Variants in PHF24 observed in about 807,000 individuals in gnomAD.
The protein encoded by PHF24 is Galpha inhibitory interacting protein.
A neutral mutation model predicts 42.6 loss-of-function variants in PHF24; 25 were observed. The observed-to-expected ratio is 0.59, with a 90% CI of 0.43 to 0.82. The LOEUF (loss-of-function observed/expected upper bound fraction) is 0.82. PHF24 is among the 40% of genes least tolerant of loss of function. The pLI, the probability that PHF24 is intolerant of heterozygous loss-of-function variation, is 0.00. For synonymous variants in PHF24, 185 were observed against 204.8 expected (o/e 0.90, Z 0.83); for missense variants, 470 against 538.1 (o/e 0.87, Z 1.25).
At chr9:34,848,824 G>T in the PHF24 span, among the ~76,000 whole-genome samples, 204 of 152,240 alleles carry the variant, frequency 1.3e-3, 3 homozygotes, top group Middle Eastern at 0.02. Flanking sequence ...TGGTTTCAAA[G>T]AACATTTTTA....
At chr9:34,834,051 A>C in the PHF24 span, 1 of 1,549,068 alleles carries the variant, frequency 6.5e-7, no homozygotes, top group South Asian at 1.2e-5. Context: ...GTACCTGGTA[A>C]GGCCTGTTGC....
At chr9:34,772,776 T>G in the PHF24 span, among the ~76,000 whole-genome samples, 1 of 152,214 alleles carries the variant, frequency 6.6e-6, no homozygotes, top group Non-Finnish European at 1.5e-5. Context: ...GCATGATCCA[T>G]GTACTAGTGG....
At chr9:34,768,212 T>C in the PHF24 span, among the ~76,000 whole-genome samples, 2 of 152,240 alleles carry the variant, frequency 1.3e-5, no homozygotes, top group South Asian at 4.1e-4. Flanking sequence ...TCAGAGGTTA[T>C]GGGCAATGGG....
the PHF24 span, chr9:34,889,294 G>A: frequency 1.3e-5 from 5 of 398,612 alleles, no homozygotes; most frequent in Middle Eastern, 6.2e-4. Context: ...ACAGAGTTTG[G>A]AGCATTTGTA....
the PHF24 span, chr9:34,709,608 T>A: frequency 6.2e-7 from 1 of 1,614,200 alleles, no homozygotes. Flanking sequence ...GTCCAGATGC[T>A]GCATCAGCTG....
chr9:34,899,126 G>A, the PHF24 span, among the ~76,000 whole-genome samples: 1 of 152,128 alleles, frequency 6.6e-6, no homozygotes, highest in Non-Finnish European at 1.5e-5. Context: ...GCTAAGCCTG[G>A]CATTTCTCAC....
At chr9:34,927,386 G>T in the PHF24 span, among the ~76,000 whole-genome samples, 1 of 152,078 alleles carries the variant, frequency 6.6e-6, no homozygotes. Flanking sequence ...TTCAGAGTTT[G>T]CTCTTTTCTC....
the PHF24 span, among the ~76,000 whole-genome samples, chr9:34,743,431 A>G: frequency 1.3e-5 from 2 of 152,262 alleles, no homozygotes; most frequent in Non-Finnish European, 2.9e-5. Context: ...CAAACATAGT[A>G]AACCCTAAAG....
At chr9:34,937,482 A>C in the PHF24 span, among the ~76,000 whole-genome samples, 1 of 152,074 alleles carries the variant, frequency 6.6e-6, no homozygotes, top group Non-Finnish European at 1.5e-5. Context: ...CCATTCCCTA[A>C]TCTCAAGTAC....
the PHF24 span, among the ~76,000 whole-genome samples, chr9:34,936,134 T>C: frequency 8.0e-4 from 121 of 151,798 alleles, no homozygotes; most frequent in Middle Eastern, 3.4e-3. Flanking sequence ...AGCTGGACTG[T>C]ACTGCCGCCA....
the PHF24 span, among the ~76,000 whole-genome samples, chr9:34,678,693 C>T: frequency 2.0e-5 from 3 of 151,614 alleles, no homozygotes; most frequent in Non-Finnish European, 4.4e-5. Flanking sequence ...TGCAGTGACA[C>T]GATCTCGGCT....
chr9:34,779,506 G>T, the PHF24 span, among the ~76,000 whole-genome samples: 1 of 152,212 alleles, frequency 6.6e-6, no homozygotes, highest in African/African-American at 2.4e-5. Flanking sequence ...AAATTGACAG[G>T]CTAATCCTAA....
the PHF24 span, among the ~76,000 whole-genome samples, chr9:34,856,327 T>TG: frequency 6.6e-6 from 1 of 152,154 alleles, no homozygotes. Flanking sequence ...GGAGAGGTGT[T>TG]GTGATCATTT....
the PHF24 span, among the ~76,000 whole-genome samples, chr9:34,712,081 GAT>G: frequency 6.6e-6 from 1 of 151,730 alleles, no homozygotes; most frequent in African/African-American, 2.4e-5. Flanking sequence ...AGTTTTGCTG[GAT>G]ATATAGAATT....
chr9:34,972,671 T>C lies in PHF24; in HGVS notation c.564+140T>C, dbSNP rs369035832. 176 of 706,324 alleles carry C rather than the reference T, an allele frequency of 2.5e-4. No individual in the cohort carries two copies. The African/African-American group carries it at 2.9e-3, about 11-fold the overall frequency. The allele number at this position is 706,324 out of a possible 1,614,324, so 43.8% of individuals were successfully genotyped here. On this transcript the variant is annotated intron_variant, in intron 3 of 7. Coordinates refer to ENST00000242315, the Ensembl canonical transcript of PHF24. ...TGGCTCATGCCTGTAATCCCAGCAC[T>C]TTGGGAGGCCAGTGCCGGAAGATCA...
chr9:34,955,600 C>T (rs1432187418), upstream of PHF24, among the ~76,000 whole-genome samples: 1 of 152,210 alleles, frequency 6.6e-6, no homozygotes, highest in Non-Finnish European at 1.5e-5. Flanking sequence ...TCGCTTGAAC[C>T]TGGGAGGCGG....
At chr9:34,669,349 C>T in the PHF24 span, among the ~76,000 whole-genome samples, 8 of 151,986 alleles carry the variant, frequency 5.3e-5, no homozygotes, top group South Asian at 8.3e-4. Flanking sequence ...CATGCCCCTC[C>T]GTACCGTTTA....
upstream of PHF24, among the ~76,000 whole-genome samples, chr9:34,957,365 C>T (rs1826398868): frequency 6.6e-6 from 1 of 152,160 alleles, no homozygotes; most frequent in Non-Finnish European, 1.5e-5. Flanking sequence ...AAAGGGCTCT[C>T]GACATATCAT....
the PHF24 span, among the ~76,000 whole-genome samples, chr9:34,819,332 T>C: frequency 6.6e-6 from 1 of 152,108 alleles, no homozygotes; most frequent in African/African-American, 2.4e-5. Flanking sequence ...TTTAATTGAC[T>C]TTGCTTTTCC....
Sources: allele counts gnomAD v4.1 joint callset (sites outside exome capture counted in the v4.1 genomes callset), GRCh38; gene constraint gnomAD v4.1.1; transcripts MANE v1.5; gene names NCBI Gene and HGNC (gene_info 2026-07-23, HGNC 2026-07-21).